The following OTUD7A variants were observed in gnomAD, a reference collection of about 807,000 sequenced individuals.
OTUD7A encodes OTU deubiquitinase 7A.
Under a neutral mutation model 65.7 loss-of-function variants are expected in OTUD7A, and 12 were observed. The observed-to-expected ratio is 0.18, with a 90% confidence interval of 0.12 to 0.30. OTUD7A has a LOEUF of 0.30. OTUD7A is among the 10% of genes least tolerant of loss of function. The pLI is 1.00. For missense variants in OTUD7A, 1,148 were observed against 1,304.8 expected (o/e 0.88, Z 1.85); for synonymous variants, 641 against 586.3 (o/e 1.09, Z -1.35).
At chr15:31,693,915 G>A (rs1347503139) in intron 1 of OTUD7A, among the ~76,000 whole-genome samples, 1 of 152,226 alleles carries the variant, frequency 6.6e-6, no homozygotes, top group African/African-American at 2.4e-5. Context: ...AAAGGTCCTG[G>A]TGAAGATGAA....
At position 31,503,895 on chromosome 15, in the gene OTUD7A, C is replaced by T. The variant is rs1386143589; in HGVS notation, c.894-77G>A. ...TGGAGAAAGTGGGGACTGCTTCATG[C>T]AGGGGCTGAGCCCTCCCCACTCTGG... On this transcript the variant is annotated intron_variant, in intron 8 of 12. Coordinates refer to ENST00000307050, the MANE Select transcript of OTUD7A (RefSeq NM_001382637.1). The T allele has an allele frequency of 1.0e-5, 16 of 1,554,828 alleles. No individual in the cohort carries two copies. In the East Asian group the frequency reaches 3.6e-4, roughly 35 times the overall value.
intron 1 of OTUD7A, among the ~76,000 whole-genome samples, chr15:31,702,938 T>C (rs1286509733): frequency 2.6e-5 from 4 of 151,934 alleles, no homozygotes; most frequent in African/African-American, 7.2e-5. Flanking sequence ...AACCCGGAAC[T>C]GATTTTTGAC....
chr15:31,768,103 G>A, intron 1 of OTUD7A: 1 of 1,598,460 alleles, frequency 6.3e-7, no homozygotes. Flanking sequence ...AGTGTTGTCT[G>A]TGTTTTCTTA....
intron 3 of OTUD7A, among the ~76,000 whole-genome samples, chr15:31,589,468 T>TTTTG: frequency 6.7e-6 from 1 of 149,098 alleles, no homozygotes; most frequent in Non-Finnish European, 1.5e-5. Context: ...GGCTTGTTTT[T>TTTTG]TTTTTTTTTT....
intron 5 of OTUD7A, among the ~76,000 whole-genome samples, chr15:31,549,348 C>T (rs1477929255): frequency 2.6e-5 from 4 of 152,160 alleles, no homozygotes; most frequent in Non-Finnish European, 2.9e-5. Context: ...CAAGTAATGA[C>T]ACTGTATCTG....
At chr15:31,799,621 C>T (rs1369026456) in intron 1 of OTUD7A, among the ~76,000 whole-genome samples, 1 of 152,200 alleles carries the variant, frequency 6.6e-6, no homozygotes, top group Admixed American at 6.5e-5. Flanking sequence ...GAAGAGGGCC[C>T]TCATCAGACA....
intron 1 of OTUD7A, among the ~76,000 whole-genome samples, chr15:31,796,876 A>G (rs1261509163): frequency 2.6e-5 from 4 of 152,208 alleles, no homozygotes; most frequent in Admixed American, 2.0e-4. Flanking sequence ...CTGGGATTAC[A>G]GGCATGCACC....
At chr15:31,834,936 T>C (rs1399644022) in intron 1 of OTUD7A, among the ~76,000 whole-genome samples, 1 of 152,220 alleles carries the variant, frequency 6.6e-6, no homozygotes, top group Non-Finnish European at 1.5e-5. Context: ...GAAGAGTAAG[T>C]GTGAGTGAGC....
rs188875573 is a variant in OTUD7A at position 31,810,975 on chromosome 15, G to A, written c.-100+59532C>T. Among the ~76,000 whole-genome samples, 121 of 152,340 alleles carry A rather than the reference G, an allele frequency of 7.9e-4. 1 individual carries two copies. The highest frequency in any genetic ancestry group is 2.7e-3 in the African/African-American group (114 of 41,584). On this transcript the variant is annotated intron_variant, in intron 1 of 12. Transcript: ENST00000307050. ...TGAGGTGCAAAGCCAAGCCACTGCA[G>A]CCTGTATTGTGTGCCTGTGAAGGAG...
intron 8 of OTUD7A, among the ~76,000 whole-genome samples, chr15:31,511,040 A>G (rs2041707743): frequency 4.0e-5 from 1 of 24,800 alleles, no homozygotes; most frequent in South Asian, 6.4e-4. Context: ...TATGTAACAT[A>G]CATGTATATC....
chr15:31,608,191 G>T (rs1157790095), intron 3 of OTUD7A, among the ~76,000 whole-genome samples: 1 of 152,122 alleles, frequency 6.6e-6, no homozygotes, highest in African/African-American at 2.4e-5. Flanking sequence ...AGGTTGCAGT[G>T]AGCTGAGATT....
In OTUD7A at chr15:31,864,760, T is replaced by TACACAC. The variant is rs72128495; in HGVS notation, c.-100+5741_-100+5746dup. Among the ~76,000 whole-genome samples, 804 of 146,558 alleles carry TACACAC rather than the reference T, an allele frequency of 5.5e-3. 11 individuals are homozygous for TACACAC. The highest frequency in any genetic ancestry group is 0.018 in the African/African-American group (710 of 38,908). On this transcript the variant is annotated intron_variant, in intron 1 of 12. Transcript: ENST00000307050. The stretch of plus-strand genomic sequence containing the variant: ...TCTTTTTACCCACACCTCCTCTTCC[T>TACACAC]ACACACACACACACACACACACACA...
chr15:31,771,096 G>T (rs1338174206), intron 1 of OTUD7A, among the ~76,000 whole-genome samples: 1 of 152,166 alleles, frequency 6.6e-6, no homozygotes, highest in Non-Finnish European at 1.5e-5. Flanking sequence ...ATATTGGAAA[G>T]AAATAAATCT....
intron 12 of OTUD7A, among the ~76,000 whole-genome samples, chr15:31,485,477 T>G (rs2041224353): frequency 6.6e-6 from 1 of 150,546 alleles, no homozygotes; most frequent in African/African-American, 2.5e-5. Context: ...TCCCCCTGGG[T>G]GGGGTGGGGT....
intron 3 of OTUD7A, among the ~76,000 whole-genome samples, chr15:31,626,433 C>T (rs2141243408): frequency 6.6e-6 from 1 of 152,150 alleles, no homozygotes; most frequent in Non-Finnish European, 1.5e-5. Flanking sequence ...ATTCTTTCAT[C>T]TTTTGCATGT....
intron 10 of OTUD7A, among the ~76,000 whole-genome samples, chr15:31,495,449 A>G (rs1595556641): frequency 2.0e-5 from 3 of 152,194 alleles, no homozygotes; most frequent in South Asian, 4.1e-4. Context: ...CAACAGTGTC[A>G]AAGATGACAG....
chr15:31,835,266 G>A (rs532196254), intron 1 of OTUD7A, among the ~76,000 whole-genome samples: 4 of 152,304 alleles, frequency 2.6e-5, no homozygotes, highest in East Asian at 1.9e-4. Context: ...GATGAACAAC[G>A]AATATTTTAG....
chr15:31,631,459 CT>C (rs1488445850), intron 3 of OTUD7A, among the ~76,000 whole-genome samples: 2 of 152,214 alleles, frequency 1.3e-5, no homozygotes, highest in Non-Finnish European at 2.9e-5. Context: ...GTGAGATCAG[CT>C]GTTAGTCTGA....
intron 3 of OTUD7A, among the ~76,000 whole-genome samples, chr15:31,648,029 GAGA>G (rs1393084477): frequency 6.6e-6 from 1 of 152,186 alleles, no homozygotes; most frequent in Non-Finnish European, 1.5e-5. Context: ...GTACCAGGTG[GAGA>G]AGTTTATTTT....
Sources: allele counts gnomAD v4.1 joint callset (sites outside exome capture counted in the v4.1 genomes callset), GRCh38; gene constraint gnomAD v4.1.1; transcripts MANE v1.5; gene names NCBI Gene and HGNC (gene_info 2026-07-23, HGNC 2026-07-21).